Variants in ZMAT4 observed in about 807,000 individuals in gnomAD.
ZMAT4 encodes zinc finger matrin-type 4, also known as zinc finger matrin-type protein 4.
ZMAT4 carries 17 observed loss-of-function variants against 28.7 expected under a neutral mutation model. The ratio of observed to expected loss-of-function variants is 0.59; its 90% CI spans 0.41 to 0.89. ZMAT4 has a LOEUF of 0.89. Ranked by LOEUF, ZMAT4 falls within the 40% of genes least tolerant of loss-of-function variation. The probability of loss-of-function intolerance (pLI) is 0.00; values close to 1 mark genes in which losing one functional copy is unlikely to be tolerated. For synonymous variants in ZMAT4, 117 were observed against 109.2 expected (o/e 1.07, Z -0.44); for missense variants, 240 against 283.8 (o/e 0.85, Z 1.11).
intron 5 of ZMAT4, among the ~76,000 whole-genome samples, chr8:40,649,136 GATAA>G (rs1018190574): frequency 3.0e-4 from 30 of 101,554 alleles, no homozygotes; most frequent in Middle Eastern, 0.01. Flanking sequence ...TGGCAAATTG[GATAA>G]AGAGTCAAGA....
intron 3 of ZMAT4, among the ~76,000 whole-genome samples, chr8:40,710,037 C>CAAAA (rs35882795): frequency 1.3e-5 from 1 of 78,292 alleles, no homozygotes; most frequent in African/African-American, 4.1e-5. Context: ...GACCCAGTCT[C>CAAAA]AAAAAAAAAA....
At chr8:40,847,210 C>A (rs2011796) in intron 1 of ZMAT4, among the ~76,000 whole-genome samples, 58,912 of 127,636 alleles carry the variant, frequency 0.46, 12,193 homozygotes, top group South Asian at 0.51. Context: ...TCTAAAAAAA[C>A]AAACAAACAA....
intron 3 of ZMAT4, among the ~76,000 whole-genome samples, chr8:40,765,992 G>A (rs535387110): frequency 6.3e-4 from 96 of 152,174 alleles, no homozygotes; most frequent in Non-Finnish European, 8.7e-4. Context: ...TTACATAAAA[G>A]CTGGTGTAGG....
intron 3 of ZMAT4, among the ~76,000 whole-genome samples, chr8:40,757,537 G>T (rs548096678): frequency 1.3e-5 from 2 of 150,120 alleles, no homozygotes; most frequent in African/African-American, 4.9e-5. Flanking sequence ...AGTAAGCCAA[G>T]ATTGTGCCAC....
chr8:40,857,366 TA>T (rs71546311), intron 1 of ZMAT4, among the ~76,000 whole-genome samples: 124 of 143,518 alleles, frequency 8.6e-4, no homozygotes, highest in Non-Finnish European at 1.4e-3. Flanking sequence ...CCCTGTCTCT[TA>T]AAAAAAAAAA....
chr8:40,824,715 T>TGAAAGAAAGAAA (rs60779807), intron 2 of ZMAT4, among the ~76,000 whole-genome samples: 251 of 110,380 alleles, frequency 2.3e-3, no homozygotes, highest in Middle Eastern at 5.4e-3. Flanking sequence ...AAAGAAAGAA[T>TGAAAGAAAGAAA]GAAAGAAAGA....
intron 6 of ZMAT4, among the ~76,000 whole-genome samples, chr8:40,554,354 TTAAC>T (rs1367632317): frequency 2.0e-5 from 3 of 150,800 alleles, no homozygotes; most frequent in Non-Finnish European, 3.0e-5. Flanking sequence ...AAAGAGTTAA[TTAAC>T]TAAGTTAATT....
At chr8:40,768,615 G>C (rs1248139240) in intron 2 of ZMAT4, among the ~76,000 whole-genome samples, 1 of 152,110 alleles carries the variant, frequency 6.6e-6, no homozygotes, top group Non-Finnish European at 1.5e-5. Context: ...TATTAGGCCA[G>C]TCTCTTATTG....
intron 6 of ZMAT4, among the ~76,000 whole-genome samples, chr8:40,572,546 T>C (rs1279910634): frequency 6.6e-6 from 1 of 152,068 alleles, no homozygotes; most frequent in Non-Finnish European, 1.5e-5. Context: ...AGGCCTGGAG[T>C]GTTCCCTAAG....
intron 2 of ZMAT4, among the ~76,000 whole-genome samples, chr8:40,810,906 AAG>A (rs1815289061): frequency 6.6e-6 from 1 of 152,232 alleles, no homozygotes; most frequent in Non-Finnish European, 1.5e-5. Flanking sequence ...ATCATTTAAA[AAG>A]TATGTTTAAA....
chr8:40,612,365 A>G (rs1352489484), intron 5 of ZMAT4, among the ~76,000 whole-genome samples: 1 of 137,908 alleles, frequency 7.3e-6, no homozygotes, highest in East Asian at 1.9e-4. Flanking sequence ...CATATAAGCT[A>G]CTAGTGACAA....
At chr8:40,587,373 T>C (rs762506651) in intron 5 of ZMAT4, among the ~76,000 whole-genome samples, 29 of 152,182 alleles carry the variant, frequency 1.9e-4, no homozygotes, top group Non-Finnish European at 3.8e-4. Context: ...ATCTATCTTT[T>C]AAAATTCCTC....
chr8:40,884,578 T>G (rs1282325248), intron 1 of ZMAT4: 1 of 152,424 alleles, frequency 6.6e-6, no homozygotes, highest in Non-Finnish European at 1.5e-5. Flanking sequence ...GCCTCTACAC[T>G]GCTCACGTGC....
At chr8:40,610,410 G>C (rs991715406) in intron 5 of ZMAT4, among the ~76,000 whole-genome samples, 4 of 152,202 alleles carry the variant, frequency 2.6e-5, no homozygotes, top group African/African-American at 9.7e-5. Flanking sequence ...GTGTGAGGGA[G>C]CTATGCAGGG....
chr8:40,549,025 G>A (rs1803287062), intron 6 of ZMAT4, among the ~76,000 whole-genome samples: 1 of 152,018 alleles, frequency 6.6e-6, no homozygotes, highest in Non-Finnish European at 1.5e-5. Context: ...ATTAAGAGGT[G>A]GAGCCTTTGG....
intron 5 of ZMAT4, among the ~76,000 whole-genome samples, chr8:40,625,107 C>T (rs573275654): frequency 5.3e-4 from 80 of 151,946 alleles, no homozygotes; most frequent in Non-Finnish European, 1.0e-3. Context: ...TATGAAGGCC[C>T]GGGGAAGAAA....
chr8:40,835,306 C>A (rs1563516500), intron 1 of ZMAT4, among the ~76,000 whole-genome samples: 1 of 152,138 alleles, frequency 6.6e-6, no homozygotes, highest in South Asian at 2.1e-4. Context: ...AAAACATGCT[C>A]CTTATGTTTC....
At chr8:40,696,073 G>T (rs1809874041) in intron 4 of ZMAT4, among the ~76,000 whole-genome samples, 1 of 151,996 alleles carries the variant, frequency 6.6e-6, no homozygotes, top group African/African-American at 2.4e-5. Flanking sequence ...AGTTTCAATT[G>T]ACTGGCTGCT....
intron 4 of ZMAT4, among the ~76,000 whole-genome samples, chr8:40,677,033 A>G (rs1004087629): frequency 2.4e-4 from 36 of 152,186 alleles, no homozygotes; most frequent in Non-Finnish European, 2.2e-4. Flanking sequence ...TTTGATGGCA[A>G]TGGAAAACAT....
Sources: allele counts gnomAD v4.1 joint callset (sites outside exome capture counted in the v4.1 genomes callset), GRCh38; gene constraint gnomAD v4.1.1; transcripts MANE v1.5; gene names NCBI Gene and HGNC (gene_info 2026-07-23, HGNC 2026-07-21).